Variants in HNF4G observed in about 807,000 individuals in gnomAD.
HNF4G encodes the protein hepatocyte nuclear factor 4-gamma.
In HNF4G, 21 loss-of-function variants were observed where a neutral mutation model predicts 50.9. The ratio of observed to expected loss-of-function variants is 0.41; its 90% CI spans 0.29 to 0.59. The LOEUF (loss-of-function observed/expected upper bound fraction) is 0.59. Among genes scored for constraint, HNF4G ranks in the 20% least tolerant of loss-of-function variants. The probability of loss-of-function intolerance (pLI) is 0.26; values close to 1 mark genes in which losing one functional copy is unlikely to be tolerated. For missense variants in HNF4G, 527 were observed against 559.4 expected (o/e 0.94, Z 0.58); for synonymous variants, 198 against 185.6 (o/e 1.07, Z -0.54).
intron 2 of HNF4G, among the ~76,000 whole-genome samples, chr8:75,529,581 T>A (rs1171384389): frequency 1.3e-5 from 2 of 152,160 alleles, no homozygotes; most frequent in African/African-American, 4.8e-5. Flanking sequence ...GGATGAGTGA[T>A]GCTTTTTTAA....
chr8:75,564,212 A>T lies in HNF4G; in HGVS notation c.*116A>T. 1 of 1,048,856 alleles carries T rather than the reference A, an allele frequency of 9.5e-7. No homozygotes were observed. Among genetic ancestry groups the T allele is most frequent in the Non-Finnish European group, 1.4e-6 (1 of 716,870 alleles). The allele number at this position is 1,048,856 out of a possible 1,614,324, so 65.0% of individuals were successfully genotyped here. Reference sequence around the variant, plus strand: ...CCAAGGCTTCTTCATTGGTGCTGTTATAAGATGGTGTCCTATTTTCTTGTT... The same window carrying T: ...CCAAGGCTTCTTCATTGGTGCTGTTTTAAGATGGTGTCCTATTTTCTTGTT... On this transcript the variant is annotated 3_prime_UTR_variant, in exon 10 of 10. Coordinates refer to ENST00000396423, the MANE Select transcript of HNF4G (RefSeq NM_004133.5).
chr8:75,558,622 G>T lies in HNF4G; in HGVS notation c.838G>T (p.Asp280Tyr). 4 of 1,614,032 alleles carry T rather than the reference G, an allele frequency of 2.5e-6. No homozygotes were observed. The highest frequency in any genetic ancestry group is 1.7e-6 in the Non-Finnish European group (2 of 1,179,948). The change falls in exon 7 of 10, where the codon GAT becomes TAT. Residue 280 changes from aspartate to tyrosine, a missense_variant. By Grantham distance (160) the Asp-to-Tyr change is radical (BLOSUM62 -3). Around this residue, in one of 5 missense-constraint regions of HNF4G, gnomAD observed 308 missense variants for 301.5 expected, o/e 1.02. Transcript: ENST00000396423. ...LVRPFQEIQI[D>Y]DNEYACLKAI... ...TAGACCATTTCAAGAAATCCAGATTGATGACAATGAGTATGCTTGTTTAAA... is the reference window on the plus strand; with the variant it reads ...TAGACCATTTCAAGAAATCCAGATTTATGACAATGAGTATGCTTGTTTAAA...
chr8:75,546,592 T>C (rs552319949), intron 2 of HNF4G, among the ~76,000 whole-genome samples: 1 of 152,264 alleles, frequency 6.6e-6, no homozygotes, highest in South Asian at 2.1e-4. Context: ...TTCAGGACAT[T>C]TTGTATAAAC....
intron 1 of HNF4G, among the ~76,000 whole-genome samples, chr8:75,540,587 A>G (rs1375942653): frequency 6.6e-6 from 1 of 152,134 alleles, no homozygotes; most frequent in Non-Finnish European, 1.5e-5. Flanking sequence ...ATTGAACGCA[A>G]ATATGAAAGG....
intron 1 of HNF4G, among the ~76,000 whole-genome samples, chr8:75,419,548 C>G (rs536075513): frequency 6.6e-6 from 1 of 152,262 alleles, no homozygotes; most frequent in East Asian, 1.9e-4. Flanking sequence ...GAGATAAATA[C>G]ACATAAGCCT....
At chr8:75,427,212 T>G (rs913297054) in intron 1 of HNF4G, among the ~76,000 whole-genome samples, 12 of 152,292 alleles carry the variant, frequency 7.9e-5, no homozygotes, top group Admixed American at 3.9e-4. Context: ...TGAGTATCAG[T>G]GAGTAGGCTG....
Position 75,558,577 on chromosome 8 carries a change from C to G in HNF4G, c.793C>G (p.Arg265Gly). 1 of 1,613,774 alleles carries G rather than the reference C, an allele frequency of 6.2e-7. No individual in the cohort carries two copies. The highest frequency in any genetic ancestry group is 8.5e-7 in the Non-Finnish European group (1 of 1,179,742). The part of the protein sequence containing the change: ...CEVEISRVAN[R>G]VLDELVRPFQ... ...AGTTGAGATTAGCCGTGTGGCCAAT[C>G]GTGTTCTAGATGAGCTGGTTAGACC... The change falls in exon 7 of 10, where the codon CGT becomes GGT. Residue 265 changes from arginine to glycine, a missense_variant. This residue lies in a region of HNF4G where 308 missense variants were observed against 301.5 expected (regional missense o/e 1.02). Transcript: ENST00000396423.
chr8:75,522,006 T>TA (rs1396891708), intron 2 of HNF4G, among the ~76,000 whole-genome samples: 2 of 152,210 alleles, frequency 1.3e-5, no homozygotes, highest in Non-Finnish European at 2.9e-5. Flanking sequence ...CTTTTATACT[T>TA]ACGATGTTTT....
intron 1 of HNF4G, among the ~76,000 whole-genome samples, chr8:75,433,225 G>A (rs760546952): frequency 6.6e-5 from 10 of 151,894 alleles, no homozygotes; most frequent in Non-Finnish European, 1.2e-4. Flanking sequence ...AACATAGAAA[G>A]ACCCCATCTT....
intron 2 of HNF4G, among the ~76,000 whole-genome samples, chr8:75,499,017 A>G (rs1812854975): frequency 6.6e-6 from 1 of 152,044 alleles, no homozygotes; most frequent in Non-Finnish European, 1.5e-5. Context: ...TTTTACTGGA[A>G]GTTCAAACCA....
intron 2 of HNF4G, among the ~76,000 whole-genome samples, chr8:75,521,712 G>A (rs1806047733): frequency 6.6e-6 from 1 of 152,078 alleles, no homozygotes; most frequent in Non-Finnish European, 1.5e-5. Context: ...CTTCTTCTTA[G>A]ACTAGCTGGT....
chr8:75,449,835 T>C (rs992490925), intron 1 of HNF4G, among the ~76,000 whole-genome samples: 2 of 152,178 alleles, frequency 1.3e-5, no homozygotes, highest in Admixed American at 1.3e-4. Flanking sequence ...TGTTGTGAGA[T>C]TTATGATACT....
intron 2 of HNF4G, among the ~76,000 whole-genome samples, chr8:75,520,724 C>T (rs986581974): frequency 8.5e-5 from 13 of 152,066 alleles, no homozygotes; most frequent in African/African-American, 1.2e-4. Flanking sequence ...AAGTGTGCAC[C>T]ACCACGCCCA....
intron 2 of HNF4G, among the ~76,000 whole-genome samples, chr8:75,504,920 T>C (rs1813036222): frequency 6.6e-6 from 1 of 152,204 alleles, no homozygotes; most frequent in South Asian, 2.1e-4. Context: ...TTTTGAATTA[T>C]ACCTATTATA....
rs544043961 is a variant in HNF4G, at chr8:75,443,105, T to C, written c.-144+34943T>C. The stretch of plus-strand genomic sequence containing the variant: ...ATTAGTTCCTTTATAACAGAGGCCC[T>C]AGAAATCTAGCTAGTCTCTTCTACC... On this transcript the variant is annotated intron_variant, in intron 1 of 10. Transcript: ENST00000354370. Among the ~76,000 whole-genome samples, 7 of 152,288 alleles carry C rather than the reference T, an allele frequency of 4.6e-5. No homozygotes were observed. The East Asian group carries it at 1.4e-3, about 29-fold the overall frequency.
chr8:75,471,069 C>A (rs951269346), intron 1 of HNF4G, among the ~76,000 whole-genome samples: 1 of 152,110 alleles, frequency 6.6e-6, no homozygotes, highest in African/African-American at 2.4e-5. Context: ...AAAGTCCTGA[C>A]AATCTCTCAG....
chr8:75,422,361 A>G (rs564420536), intron 1 of HNF4G, among the ~76,000 whole-genome samples: 7 of 152,256 alleles, frequency 4.6e-5, no homozygotes, highest in South Asian at 2.1e-4. Flanking sequence ...AATAAGTACC[A>G]TTGTTTATAT....
rs1388951098 is a variant in HNF4G at position 75,565,394 on chromosome 8, T to G, written c.*1298T>G. ...AAAAACATTAGATAAAATAAAAGAT[T>G]CACCGGATGGATTCTGATGAAAACG... On this transcript the variant is annotated 3_prime_UTR_variant, in exon 10 of 10. Transcript: ENST00000396423. 1 of 152,128 alleles carries G rather than the reference T, an allele frequency of 6.6e-6. No individual in the cohort carries two copies. Among genetic ancestry groups the G allele is most frequent in the Admixed American group, 6.6e-5 (1 of 15,242 alleles). The allele number at this position is 152,128 out of a possible 1,614,324, so 9.4% of individuals were successfully genotyped here. A position where few individuals can be genotyped will look rare whatever the true frequency, so the allele number is the denominator to read the frequency against.
intron 2 of HNF4G, among the ~76,000 whole-genome samples, chr8:75,533,516 G>C (rs1234569921): frequency 6.6e-6 from 1 of 151,810 alleles, no homozygotes; most frequent in Non-Finnish European, 1.5e-5. Context: ...ATAATAGATT[G>C]TGTTACAAAA....
Sources: gnomAD v4.1 joint callset for allele counts (sites outside exome capture counted in the v4.1 genomes callset) on GRCh38, gnomAD v4.1.1 for gene constraint, gnomAD v4.1.1 regional missense constraint, MANE v1.5 for transcripts, NCBI Gene and HGNC (gene_info 2026-07-23, HGNC 2026-07-21) for gene names.